The following MRTFB variants were observed in gnomAD, a reference collection of about 807,000 sequenced individuals.
The protein encoded by MRTFB is myocardin related transcription factor B.
A neutral mutation model predicts 104.2 loss-of-function variants in MRTFB; 29 were observed. That is an observed-to-expected ratio of 0.28 (90% confidence interval 0.21 to 0.38). The LOEUF is 0.38. MRTFB is among the 10% of genes least tolerant of loss of function. The pLI, the probability that MRTFB is intolerant of heterozygous loss-of-function variation, is 1.00. For synonymous variants in MRTFB, 535 were observed against 519.5 expected (o/e 1.03, Z -0.41); for missense variants, 1,270 against 1,341.6 (o/e 0.95, Z 0.83).
At chr16:14,195,638 CT>C in intron 3 of MRTFB, 1 of 881,614 alleles carries the variant, frequency 1.1e-6, no homozygotes, top group Non-Finnish European at 1.4e-6. Context: ...GTTAATTGTT[CT>C]TTTATTCAGA....
the MRTFB span, among the ~76,000 whole-genome samples, chr16:14,005,558 T>C: frequency 6.6e-6 from 1 of 152,176 alleles, no homozygotes; most frequent in Non-Finnish European, 1.5e-5. Flanking sequence ...TAGTAATTGT[T>C]GAGAGGCCAT....
chr16:14,011,757 A>AGC, the MRTFB span, among the ~76,000 whole-genome samples: 2 of 152,178 alleles, frequency 1.3e-5, no homozygotes, highest in African/African-American at 4.8e-5. Context: ...CTGTAATCCC[A>AGC]ACTACTGGGG....
chr16:14,246,607 GTCA>G lies in MRTFB; in HGVS notation c.1354_1356del (p.Ser452del). The G allele has an allele frequency of 6.2e-7, 1 of 1,614,130 alleles. No homozygotes were observed. ...TTGCTGCTGGGGGCATCGTGGCAGT[GTCA>G]TCATCAGCCATTGTCACCAGTAACC... On this transcript the variant is annotated inframe_deletion, in exon 12 of 17. Transcript: ENST00000571589.
At chr16:14,254,902 C>A (rs752757476) in intron 15 of MRTFB, among the ~76,000 whole-genome samples, 1 of 152,210 alleles carries the variant, frequency 6.6e-6, no homozygotes, top group African/African-American at 2.4e-5. Flanking sequence ...ACTACTATTA[C>A]AGCTGTCCTC....
chr16:14,152,166 G>A (rs2038645412), intron 3 of MRTFB: 1 of 152,032 alleles, frequency 6.6e-6, no homozygotes, highest in Non-Finnish European at 1.5e-5. Context: ...TGTCTTCTAA[G>A]TTCTTTTTCT....
chr16:14,059,590 C>A, the MRTFB span, among the ~76,000 whole-genome samples: 1 of 152,178 alleles, frequency 6.6e-6, no homozygotes, highest in African/African-American at 2.4e-5. Context: ...TGCAGGGCCA[C>A]ACTGTGGAAG....
At chr16:14,100,944 C>CT (rs2035661441) in intron 2 of MRTFB, among the ~76,000 whole-genome samples, 2 of 152,026 alleles carry the variant, frequency 1.3e-5, no homozygotes, top group Non-Finnish European at 2.9e-5. Flanking sequence ...TGTCTTCTCT[C>CT]TTTTTTCCTG....
At chr16:14,126,863 T>G (rs1428747903) in intron 2 of MRTFB, among the ~76,000 whole-genome samples, 1 of 152,200 alleles carries the variant, frequency 6.6e-6, no homozygotes, top group Non-Finnish European at 1.5e-5. Context: ...AGATCTCTCC[T>G]GAAACAGGGG....
At chr16:14,073,419 A>G (rs2141776692) in intron 1 of MRTFB, among the ~76,000 whole-genome samples, 1 of 152,332 alleles carries the variant, frequency 6.6e-6, no homozygotes, top group South Asian at 2.1e-4. Context: ...TATCTAGTCA[A>G]TTATAATAGG....
chr16:14,242,563 G>A (rs1469624328), intron 10 of MRTFB, among the ~76,000 whole-genome samples: 1 of 152,112 alleles, frequency 6.6e-6, no homozygotes, highest in South Asian at 2.1e-4. Context: ...ATAGTGGTGG[G>A]AGTTTACCTG....
chr16:14,189,961 G>A (rs1259232870), intron 3 of MRTFB, among the ~76,000 whole-genome samples: 1 of 152,154 alleles, frequency 6.6e-6, no homozygotes, highest in Non-Finnish European at 1.5e-5. Context: ...AAGAATTGAC[G>A]GGATGCCTTA....
chr16:14,025,786 C>G, the MRTFB span, among the ~76,000 whole-genome samples: 1 of 152,148 alleles, frequency 6.6e-6, no homozygotes, highest in Non-Finnish European at 1.5e-5. Context: ...TAACAGGATG[C>G]AAGGGCACCA....
the MRTFB span, among the ~76,000 whole-genome samples, chr16:14,012,357 G>A: frequency 2.9e-5 from 4 of 137,342 alleles, no homozygotes; most frequent in Admixed American, 7.5e-5. Flanking sequence ...GGAGTGCAGT[G>A]GTGGAATCTC....
chr16:13,997,792 C>CAAAAAAAA, the MRTFB span, among the ~76,000 whole-genome samples: 1 of 90,764 alleles, frequency 1.1e-5, no homozygotes, highest in Admixed American at 1.4e-4. Context: ...GACCCTATCT[C>CAAAAAAAA]AAAAAAAAAA....
At chr16:14,109,415 A>G (rs1430570659) in intron 2 of MRTFB, among the ~76,000 whole-genome samples, 1 of 152,272 alleles carries the variant, frequency 6.6e-6, no homozygotes, top group Non-Finnish European at 1.5e-5. Flanking sequence ...CAAAATGAAT[A>G]GTATGAGGAT....
intron 2 of MRTFB, among the ~76,000 whole-genome samples, chr16:14,104,392 G>T (rs1432808213): frequency 6.6e-6 from 1 of 152,208 alleles, no homozygotes; most frequent in African/African-American, 2.4e-5. Flanking sequence ...CACAGCAGCA[G>T]AAGCACTGGT....
chr16:14,039,396 A>G, the MRTFB span, among the ~76,000 whole-genome samples: 3 of 152,104 alleles, frequency 2.0e-5, no homozygotes, highest in South Asian at 6.2e-4. Context: ...CTACAGGGAG[A>G]CTGTGGAATG....
chr16:14,062,873 C>G, the MRTFB span, among the ~76,000 whole-genome samples: 14 of 152,252 alleles, frequency 9.2e-5, no homozygotes, highest in African/African-American at 3.1e-4. Flanking sequence ...AGCACGGGGC[C>G]CACTATGCCA....
chr16:14,235,958 A>G (rs246155), intron 9 of MRTFB, among the ~76,000 whole-genome samples: 10,245 of 152,306 alleles, frequency 0.067, 605 homozygotes, highest in East Asian at 0.3. Context: ...AGGCAGGCAG[A>G]TTGCTTGAGC....
Sources: allele counts gnomAD v4.1 joint callset (sites outside exome capture counted in the v4.1 genomes callset), GRCh38; gene constraint gnomAD v4.1.1; transcripts MANE v1.5; gene names NCBI Gene and HGNC (gene_info 2026-07-23, HGNC 2026-07-21).